Variants in POLDIP2 observed in about 807,000 individuals in gnomAD.
The protein encoded by POLDIP2 is polymerase delta-interacting protein 2.
Under a neutral mutation model 52.9 loss-of-function variants are expected in POLDIP2, and 32 were observed. The ratio of observed to expected loss-of-function variants is 0.61; its 90% confidence interval spans 0.46 to 0.81. The LOEUF (loss-of-function observed/expected upper bound fraction) is 0.81. Among genes scored for constraint, POLDIP2 ranks in the 40% least tolerant of loss-of-function variants. The pLI is 0.00. For missense variants in POLDIP2, 371 were observed against 477.3 expected (o/e 0.78, Z 2.07); for synonymous variants, 183 against 183.0 (o/e 1.00, Z 0.00).
chr17:28,348,883 G>A (rs1421119521), intron 10 of POLDIP2, among the ~76,000 whole-genome samples, 200 bp downstream of exon 10: 1 of 152,188 alleles, frequency 6.6e-6, no homozygotes, highest in Non-Finnish European at 1.5e-5. Context: ...TAAGTCCTCA[G>A]TCCACAAATC....
chr17:28,350,911 G>GT, intron 7 of POLDIP2, 119 bp from the exon 8 acceptor site: 1 of 832,666 alleles, frequency 1.2e-6, no homozygotes, highest in Non-Finnish European at 2.0e-6. Flanking sequence ...CAAGCTGAGA[G>GT]TATCTGTGGG....
intron 2 of POLDIP2, 27 bp downstream of exon 2, chr17:28,355,768 T>C: frequency 1.9e-6 from 3 of 1,575,486 alleles, no homozygotes; most frequent in Non-Finnish European, 2.6e-6. Flanking sequence ...TCTATGAAAA[T>C]GAAAGATGAC....
At chr17:28,350,014 CTCT>C in intron 9 of POLDIP2, among the ~76,000 whole-genome samples, 1 of 152,158 alleles carries the variant, frequency 6.6e-6, no homozygotes, top group Non-Finnish European at 1.5e-5. Flanking sequence ...AAAATCAGAT[CTCT>C]TCAAGGACCA....
chr17:28,353,018 G>A lies in POLDIP2; in HGVS notation c.516C>T (p.Gly172=). 1.0e-6 allele frequency: 1 copy of A among 980,210 alleles called. No individual in the cohort carries two copies. The highest frequency in any genetic ancestry group is 1.7e-6 in the Non-Finnish European group (1 of 601,098). 60.7% of individuals were successfully genotyped at this position (980,210 alleles called of 1,614,324 possible). The change falls in exon 6 of 11, where the codon GGC becomes GGT. Residue 172 remains glycine (G), a splice_region_variant and synonymous_variant. Coordinates refer to ENST00000540200, the MANE Select transcript of POLDIP2 (RefSeq NM_015584.5). ...DDSRALYAIP[G]LDYVSHEDIL... ...TGTCTTCATGGCTGACATAGTCCAA[G>A]CCTGGCACAGAGATGCAAAAGACAG...
In POLDIP2 at chr17:28,351,660, A is replaced by G; in HGVS notation, c.759+4T>C. On this transcript the variant is annotated splice_donor_region_variant and intron_variant, in intron 7 of 10. Coordinates refer to ENST00000540200, the MANE Select transcript of POLDIP2 (RefSeq NM_015584.5). The stretch of plus-strand genomic sequence containing the variant: ...GCTAGAAGGGGTCCAGGCTGGCCAC[A>G]TACCCTCATGCCCATGTAGAAGGGG... 1.2e-6 allele frequency: 2 copies of G among 1,613,498 alleles called. No individual in the cohort carries two copies. The highest frequency in any genetic ancestry group is 1.7e-6 in the Non-Finnish European group (2 of 1,179,664).
intron 10 of POLDIP2, among the ~76,000 whole-genome samples, chr17:28,348,673 T>C (rs1324558685): frequency 1.3e-5 from 2 of 152,076 alleles, no homozygotes; most frequent in Non-Finnish European, 2.9e-5. Flanking sequence ...GATTGTGCCA[T>C]TGCACTCCAG....
In POLDIP2 at chr17:28,348,882, A is replaced by T. The variant is rs144300127; in HGVS notation, c.992+201T>A. Among the ~76,000 whole-genome samples the T allele has an allele frequency of 2.4e-4, 36 of 152,342 alleles. No homozygotes were observed. In the East Asian group the frequency reaches 5.2e-3, roughly 22 times the overall value. On this transcript the variant is annotated intron_variant, in intron 10 of 10. Transcript: ENST00000540200. ...CCAGACCTCTTTAGCCTAAGTCCTC[A>T]GTCCACAAATCACAGGGTACTGGGA...
At chr17:28,355,320 A>T (rs188491315) in intron 2 of POLDIP2, among the ~76,000 whole-genome samples, 14 of 152,352 alleles carry the variant, frequency 9.2e-5, no homozygotes, top group Admixed American at 7.8e-4. Flanking sequence ...TAAAAATTTG[A>T]TTCTGGGCTG....
At chr17:28,353,421 C>G (rs142619987) in intron 4 of POLDIP2, 105 bp from the exon 5 acceptor site, 248 of 682,324 alleles carry the variant, frequency 3.6e-4, no homozygotes, top group Non-Finnish European at 5.8e-4. Flanking sequence ...ACTCGGGTGG[C>G]TGAGGCAGGA....
At chr17:28,355,465 A>C (rs1488115054) in intron 2 of POLDIP2, among the ~76,000 whole-genome samples, 2 of 152,084 alleles carry the variant, frequency 1.3e-5, no homozygotes, top group African/African-American at 4.8e-5. Context: ...AAATTAGCCA[A>C]GTGTGGTGGC....
chr17:28,354,821 TC>T (rs1907953267), intron 2 of POLDIP2, among the ~76,000 whole-genome samples: 1 of 152,190 alleles, frequency 6.6e-6, no homozygotes, highest in African/African-American at 2.4e-5. Flanking sequence ...TTCCCTGACC[TC>T]CCTTCCACTT....
At chr17:28,355,468 G>A (rs931978991) in intron 2 of POLDIP2, among the ~76,000 whole-genome samples, 1 of 152,158 alleles carries the variant, frequency 6.6e-6, no homozygotes, top group Admixed American at 6.5e-5. Context: ...TTAGCCAAGT[G>A]TGGTGGCGCA....
At position 28,355,856 on chromosome 17, in the gene POLDIP2, A is replaced by G; in HGVS notation, c.182T>C (p.Val61Ala). Residue 61 changes from valine (V) to alanine (A), a missense_variant, in exon 2 of 11, where the codon GTG becomes GCG. Physicochemically the swap from Val to Ala is moderately conservative, Grantham distance 64. Transcript: ENST00000540200. ...CTCAAACACACCAACTGTCTCCAACACTTTGCCCTCTGGTCGGTTTCTGAG... is the reference window on the plus strand; with the variant it reads ...CTCAAACACACCAACTGTCTCCAACGCTTTGCCCTCTGGTCGGTTTCTGAG... Reference protein sequence around the residue: ...LSSRNRPEGKVLETVGVFEVP... With the variant: ...LSSRNRPEGKALETVGVFEVP... 1 of 1,613,032 alleles carries G rather than the reference A, an allele frequency of 6.2e-7. No individual in the cohort carries two copies. Among genetic ancestry groups the G allele is most frequent in the Non-Finnish European group, 8.5e-7 (1 of 1,179,510 alleles).
In POLDIP2 at chr17:28,349,124, A is replaced by G. The variant is rs1376231679; in HGVS notation, c.951T>C (p.Tyr317=). 2 of 1,613,578 alleles carry G rather than the reference A, an allele frequency of 1.2e-6. No individual in the cohort carries two copies. Among genetic ancestry groups the G allele is most frequent in the African/African-American group, 1.3e-5 (1 of 75,036 alleles). ...VLSKEQPAFQ[Y]SSHVSLQASS... ...AAGCCTGCAGCGAGACGTGGCTGCT[A>G]TACTGGAACGCAGGCTGCTCCTTGG... Residue 317 remains tyrosine (Y), a synonymous_variant, in exon 10 of 11, where the codon TAT becomes TAC. Coordinates refer to ENST00000540200, the MANE Select transcript of POLDIP2 (RefSeq NM_015584.5).
chr17:28,352,477 C>G (rs1466644912), intron 6 of POLDIP2, among the ~76,000 whole-genome samples: 1 of 150,684 alleles, frequency 6.6e-6, no homozygotes, highest in Non-Finnish European at 1.5e-5. Context: ...ACCTAGTGAT[C>G]TGCCCGTGTC....
At chr17:28,351,937 C>T in intron 6 of POLDIP2, 137 bp from the exon 7 acceptor site, 1 of 715,190 alleles carries the variant, frequency 1.4e-6, no homozygotes, top group Non-Finnish European at 2.4e-6. Context: ...ACAAGGTGCT[C>T]ATACATGAAG....
chr17:28,346,660 G>C lies in POLDIP2; in HGVS notation c.*1457C>G, dbSNP rs950696880. On this transcript the variant is annotated 3_prime_UTR_variant, in exon 11 of 11. Transcript: ENST00000540200. ...ATCTTAGCTTCTTTAATCAGACTTT[G>C]TGACTTAAAAGTTTGGGGGTTTTCT... The C allele has an allele frequency of 1.3e-5, 2 of 152,170 alleles. No individual in the cohort carries two copies. Among genetic ancestry groups the C allele is most frequent in the South Asian group, 4.1e-4 (2 of 4,828 alleles). The allele number at this position is 152,170 out of a possible 1,614,324, so 9.4% of individuals were successfully genotyped here. A position where few individuals can be genotyped will look rare whatever the true frequency, so the allele number is the denominator to read the frequency against.
chr17:28,353,262 G>T lies in POLDIP2; in HGVS notation c.493C>A (p.Arg165=). The T allele has an allele frequency of 6.3e-7, 1 of 1,587,462 alleles. No individual in the cohort carries two copies. The highest frequency in any genetic ancestry group is 8.6e-7 in the Non-Finnish European group (1 of 1,157,766). The change falls in exon 5 of 11, where the codon CGG becomes AGG. Residue 165 remains arginine (R), a synonymous_variant. Coordinates refer to ENST00000540200, the MANE Select transcript of POLDIP2 (RefSeq NM_015584.5). ...VTFLANHDDS[R]ALYAIPGLDY... ...TCACCTGGGATGGCATAGAGGGCCC[G>T]ACTGTCATCATGGTTAGCCAAGAAG...
At chr17:28,353,650 T>A (rs782179375) in intron 4 of POLDIP2, 45 bp downstream of exon 4, 16 of 1,363,492 alleles carry the variant, frequency 1.2e-5, no homozygotes, top group Admixed American at 1.7e-5. Context: ...GATGCAGGAC[T>A]TTCCATGGAG....
Sources: gnomAD v4.1 joint callset for allele counts (sites outside exome capture counted in the v4.1 genomes callset) on GRCh38, gnomAD v4.1.1 for gene constraint, MANE v1.5 for transcripts, NCBI Gene and HGNC (gene_info 2026-07-23, HGNC 2026-07-21) for gene names.